CACNA1C: variants seen among roughly 807,000 people sequenced by gnomAD.
CACNA1C encodes the protein calcium voltage-gated channel subunit alpha1 C, also known as voltage-dependent L-type calcium channel subunit alpha-1C.
In CACNA1C, 30 loss-of-function variants were observed where a neutral mutation model predicts 229.0. That is an observed-to-expected ratio of 0.13 (90% CI 0.10 to 0.18). The LOEUF is 0.18. CACNA1C is among the 10% of genes least tolerant of loss of function. The pLI is 1.00. For synonymous variants in CACNA1C, 1,114 were observed against 1,132.5 expected, an observed-to-expected ratio of 0.98 and a Z score of 0.33; for missense variants, 1,658 against 2,845.0, an observed-to-expected ratio of 0.58 and a Z score of 9.49.
In CACNA1C at chr12:2,654,508, C is replaced by T. The variant is rs1225529772; in HGVS notation, c.4140+608C>T. ...GGGGCTCCAGCTTGAGTCCCAAGGCCAAACTTGGCAGGGCGCCCACACTAG... is the reference window on the plus strand; with the variant it reads ...GGGGCTCCAGCTTGAGTCCCAAGGCTAAACTTGGCAGGGCGCCCACACTAG... On this transcript the variant is annotated intron_variant, in intron 33 of 46. Transcript: ENST00000399655. The surrounding 1 kb of genome is among the most constrained non-coding windows in gnomAD (Gnocchi z 4.4). Among the ~76,000 whole-genome samples, 2 of 152,198 alleles carry T rather than the reference C, an allele frequency of 1.3e-5. No individual in the cohort carries two copies. Among genetic ancestry groups the T allele is most frequent in the Non-Finnish European group, 2.9e-5 (2 of 68,030 alleles).
chr12:2,438,338 A>T (rs1192340087), intron 3 of CACNA1C, among the ~76,000 whole-genome samples: 1 of 43,804 alleles, frequency 2.3e-5, no homozygotes, highest in African/African-American at 9.7e-5. Context: ...GATGGTGATG[A>T]TAATGATGAT....
At chr12:2,057,810 C>A (rs188167003) in intron 1 of CACNA1C, among the ~76,000 whole-genome samples, 1 of 152,272 alleles carries the variant, frequency 6.6e-6, no homozygotes, top group African/African-American at 2.4e-5. Flanking sequence ...GTTTAGTAAC[C>A]AGAGGGCCCG....
chr12:2,567,073 G>A (rs986155545), intron 12 of CACNA1C, among the ~76,000 whole-genome samples: 1 of 152,198 alleles, frequency 6.6e-6, no homozygotes, highest in East Asian at 1.9e-4. Flanking sequence ...GCCCCTAGAC[G>A]AGGGTCCCAC....
chr12:2,349,795 A>G (rs1341942453), intron 3 of CACNA1C, among the ~76,000 whole-genome samples: 4 of 152,162 alleles, frequency 2.6e-5, no homozygotes, highest in Non-Finnish European at 5.9e-5. Context: ...CACCTTGCAC[A>G]GTGTCTGGCA....
chr12:2,530,867 G>A (rs2099839425), intron 9 of CACNA1C, among the ~76,000 whole-genome samples: 1 of 152,204 alleles, frequency 6.6e-6, no homozygotes, highest in Admixed American at 6.5e-5. Context: ...AGGGAACACG[G>A]CTAACTGTGA....
In CACNA1C at chr12:2,362,239, T is replaced by C. The variant is rs116002360; in HGVS notation, c.478-86737T>C. 5.7e-3 allele frequency among the ~76,000 whole-genome samples: 867 copies of C among 152,190 alleles called. 9 individuals carry two copies. The highest frequency in any genetic ancestry group is 0.02 in the African/African-American group (834 of 41,536). On this transcript the variant is annotated intron_variant, in intron 3 of 46. Coordinates refer to ENST00000399655, the MANE Select transcript of CACNA1C (RefSeq NM_000719.7). ...GAAGGCCACTGGGACATCTCCAGTGTTGTAGCATGGGGCCCAGGTATGCAG... is the reference window on the plus strand; with the variant it reads ...GAAGGCCACTGGGACATCTCCAGTGCTGTAGCATGGGGCCCAGGTATGCAG...
chr12:2,572,460 C>T (rs1470382625), intron 13 of CACNA1C, among the ~76,000 whole-genome samples: 1 of 51,184 alleles, frequency 2.0e-5, no homozygotes, highest in Non-Finnish European at 3.9e-5. Context: ...TCTTCCTCCT[C>T]CTCCTCTTCC....
intron 9 of CACNA1C, among the ~76,000 whole-genome samples, chr12:2,531,342 A>G (rs1347145563): frequency 6.6e-6 from 1 of 152,174 alleles, no homozygotes; most frequent in African/African-American, 2.4e-5. Context: ...AAGAAGCCCT[A>G]GAAAGGGAGT....
At position 2,410,573 on chromosome 12, in the gene CACNA1C, C is replaced by T. The variant is rs531214303; in HGVS notation, c.478-38403C>T. On this transcript the variant is annotated intron_variant, in intron 3 of 46. Coordinates refer to ENST00000399655, the MANE Select transcript of CACNA1C (RefSeq NM_000719.7). This position sits in a 1 kb window ranked among gnomAD's most constrained non-coding sequence, Gnocchi z 5.3. ...AAAGCATCTGGACCCTGTGCATGTG[C>T]GTGTGCATGCGTGTGTGTGTTCCAG... Among the ~76,000 whole-genome samples, 7 of 151,576 alleles carry T rather than the reference C, an allele frequency of 4.6e-5. No individual in the cohort carries two copies. Among genetic ancestry groups the T allele is most frequent in the African/African-American group, 1.2e-4 (5 of 41,264 alleles).
Position 2,136,066 on chromosome 12 carries a change from T to C in CACNA1C, c.477+15636T>C, listed in dbSNP as rs546460348. ...CAATATTCGGGTGGGAGTGACCCAA[T>C]TTTCCAGGTGCGTCCGTCACCCCTT... is the stretch of plus-strand genomic sequence containing the variant. On this transcript the variant is annotated intron_variant, in intron 3 of 46. Coordinates refer to ENST00000399655, the MANE Select transcript of CACNA1C (RefSeq NM_000719.7). Among the ~76,000 whole-genome samples the C allele has an allele frequency of 7.5e-4, 114 of 151,060 alleles. 7 individuals carry two copies. Among genetic ancestry groups the C allele is most frequent in the Non-Finnish European group, 1.4e-3 (94 of 67,536 alleles).
At chr12:2,682,187 G>A in intron 42 of CACNA1C, 4 of 623,038 alleles carry the variant, frequency 6.4e-6, no homozygotes, top group South Asian at 4.1e-5. Flanking sequence ...GGAGGTGAGT[G>A]GGGGGCAGCC....
intron 3 of CACNA1C, among the ~76,000 whole-genome samples, chr12:2,234,817 T>A (rs1279694274): frequency 6.6e-6 from 1 of 152,088 alleles, no homozygotes; most frequent in Admixed American, 6.5e-5. Context: ...CAGTATAGAT[T>A]GGCAAGAGGT....
intron 3 of CACNA1C, among the ~76,000 whole-genome samples, chr12:2,219,489 A>AT (rs907157642): frequency 1.3e-4 from 19 of 151,552 alleles, no homozygotes; most frequent in Admixed American, 9.2e-4. Context: ...CAAGTGTTTT[A>AT]TTTTTTTGTC....
At chr12:2,161,636 G>A (rs1482464668) in intron 3 of CACNA1C, among the ~76,000 whole-genome samples, 1 of 152,218 alleles carries the variant, frequency 6.6e-6, no homozygotes, top group Non-Finnish European at 1.5e-5. Context: ...TGCTTTGTAA[G>A]AGTCACTTGC....
In CACNA1C at chr12:2,286,582, G is replaced by A. The variant is rs896658208; in HGVS notation, c.478-162394G>A. Among the ~76,000 whole-genome samples, 9 of 152,278 alleles carry A rather than the reference G, an allele frequency of 5.9e-5. No individual in the cohort carries two copies. The East Asian group carries it at 1.7e-3, about 29-fold the overall frequency. Reference sequence around the variant, plus strand: ...GGTGGCTGAAGAACAGGTCTGTGAGGTTCATTCGGGGGCTCTTGTTGATCA... The same window carrying A: ...GGTGGCTGAAGAACAGGTCTGTGAGATTCATTCGGGGGCTCTTGTTGATCA... On this transcript the variant is annotated intron_variant, in intron 3 of 46. Coordinates refer to ENST00000399655, the MANE Select transcript of CACNA1C (RefSeq NM_000719.7).
chr12:2,592,266 G>A (rs1451534151), intron 18 of CACNA1C, among the ~76,000 whole-genome samples: 4 of 152,208 alleles, frequency 2.6e-5, no homozygotes, highest in Non-Finnish European at 5.9e-5. Flanking sequence ...AATAAAAGCA[G>A]CAAACACTTA....
chr12:2,382,453 A>T (rs551909326), intron 3 of CACNA1C, among the ~76,000 whole-genome samples: 1 of 152,336 alleles, frequency 6.6e-6, no homozygotes, highest in Admixed American at 6.5e-5. Flanking sequence ...ATTTAAGAAC[A>T]TTATTCTGAG....
chr12:2,357,901 G>A (rs2097426851), intron 3 of CACNA1C, among the ~76,000 whole-genome samples: 4 of 150,986 alleles, frequency 2.6e-5, no homozygotes, highest in African/African-American at 9.8e-5. Context: ...AACCCAGGAG[G>A]TGGAGGTTAC....
chr12:2,682,788 G>A, intron 43 of CACNA1C, 110 bp downstream of exon 43: 4 of 1,010,084 alleles, frequency 4.0e-6, no homozygotes, highest in Non-Finnish European at 3.9e-6. Flanking sequence ...AGGAGGAGAG[G>A]AGATCACAGA....
Sources: gnomAD v4.1 joint callset for allele counts (sites outside exome capture counted in the v4.1 genomes callset) on GRCh38, gnomAD v4.1.1 for gene constraint, Gnocchi (gnomAD v3.1) non-coding constraint, MANE v1.5 for transcripts, NCBI Gene and HGNC (gene_info 2026-07-23, HGNC 2026-07-21) for gene names.